SKAP2: variants seen among roughly 807,000 people sequenced by gnomAD.
The protein encoded by SKAP2 is src kinase-associated phosphoprotein 2.
In SKAP2, 28 loss-of-function variants were observed where a neutral mutation model predicts 54.9. That is an observed-to-expected ratio of 0.51 (90% CI 0.38 to 0.70). The LOEUF (loss-of-function observed/expected upper bound fraction) is 0.70, where lower values mean the gene tolerates loss of function less well. Among genes scored for constraint, SKAP2 ranks in the 30% least tolerant of loss-of-function variants. The pLI is 0.00. For missense variants in SKAP2, 356 were observed against 424.1 expected, an observed-to-expected ratio of 0.84 and a Z score of 1.41; for synonymous variants, 137 against 134.3, an observed-to-expected ratio of 1.02 and a Z score of -0.14.
At chr7:26,847,413 G>A (rs1051655759) in intron 3 of SKAP2, among the ~76,000 whole-genome samples, 1 of 151,522 alleles carries the variant, frequency 6.6e-6, no homozygotes, top group Non-Finnish European at 1.5e-5. Context: ...TTAACTGAAC[G>A]CAGGGGTTAC....
At chr7:26,720,770 C>G (rs776400251) in intron 9 of SKAP2, among the ~76,000 whole-genome samples, 1 of 152,154 alleles carries the variant, frequency 6.6e-6, no homozygotes, top group Non-Finnish European at 1.5e-5. Context: ...ACCATCAGAT[C>G]TCATGAGAAC....
rs1786149882 is a variant in SKAP2, at chr7:26,668,237, T to C, written c.*1429A>G. The C allele has an allele frequency of 6.6e-6, 1 of 152,194 alleles. No individual in the cohort carries two copies. Among genetic ancestry groups the C allele is most frequent in the Non-Finnish European group, 1.5e-5 (1 of 68,034 alleles). 9.4% of individuals were successfully genotyped at this position (152,194 alleles called of 1,614,324 possible). ...AAGATATTGAAAAGTTCCATAAAGA[T>C]AATACCTGATAGGTAATGATTCAAT... On this transcript the variant is annotated 3_prime_UTR_variant, in exon 13 of 13. Coordinates refer to ENST00000345317, the MANE Select transcript of SKAP2 (RefSeq NM_003930.5).
At chr7:26,658,872 C>T in the SKAP2 span, among the ~76,000 whole-genome samples, 6 of 150,818 alleles carry the variant, frequency 4.0e-5, no homozygotes, top group East Asian at 3.9e-4. Context: ...ATCAGCACCA[C>T]GTGCTGAAGC....
intron 4 of SKAP2, among the ~76,000 whole-genome samples, chr7:26,783,882 T>C (rs1242519380): frequency 1.3e-5 from 2 of 151,824 alleles, no homozygotes; most frequent in African/African-American, 2.4e-5. Context: ...GCATGGCACA[T>C]GTATACATAC....
At chr7:26,658,736 T>C in the SKAP2 span, among the ~76,000 whole-genome samples, 1 of 152,096 alleles carries the variant, frequency 6.6e-6, no homozygotes, top group Non-Finnish European at 1.5e-5. Flanking sequence ...AGCAACCATA[T>C]TAAATAGTCA....
rs760257335 is a variant in SKAP2 at position 26,727,002 on chromosome 7, T to C, written c.474A>G (p.Lys158=). ...CTATTGCAAATTCACCTTTCTGTTG[T>C]TTGTCTGTTGAAGATAAAACCAGTT... ...VFYYYGSDKD[K]QQKGEFAIDG... Residue 158 remains lysine (K), a synonymous_variant, in exon 7 of 13, where the codon AAA becomes AAG. Coordinates refer to ENST00000345317, the MANE Select transcript of SKAP2 (RefSeq NM_003930.5). The C allele has an allele frequency of 3.1e-6, 5 of 1,599,294 alleles. No individual in the cohort carries two copies. Among genetic ancestry groups the C allele is most frequent in the Non-Finnish European group, 4.3e-6 (5 of 1,173,894 alleles).
intron 4 of SKAP2, among the ~76,000 whole-genome samples, chr7:26,757,422 A>C (rs576373158): frequency 6.6e-6 from 1 of 152,116 alleles, no homozygotes; most frequent in Non-Finnish European, 1.5e-5. Flanking sequence ...CCATTTATTA[A>C]ATAGGGAATC....
intron 4 of SKAP2, among the ~76,000 whole-genome samples, chr7:26,842,863 T>C (rs1170139572): frequency 6.6e-6 from 1 of 151,146 alleles, no homozygotes; most frequent in Non-Finnish European, 1.5e-5. Flanking sequence ...CTTTAAAAGA[T>C]AGAAAGTGAA....
intron 4 of SKAP2, among the ~76,000 whole-genome samples, chr7:26,797,482 T>A (rs1783807530): frequency 6.6e-6 from 1 of 152,200 alleles, no homozygotes; most frequent in South Asian, 2.1e-4. Flanking sequence ...TAGCATTACT[T>A]GGCTAGGGGT....
At chr7:26,723,205 C>A (rs62447732) in intron 9 of SKAP2, among the ~76,000 whole-genome samples, 1 of 152,280 alleles carries the variant, frequency 6.6e-6, no homozygotes, top group South Asian at 2.1e-4. Flanking sequence ...TTTAATCAAA[C>A]AAAACCTCTA....
intron 1 of SKAP2, among the ~76,000 whole-genome samples, chr7:26,858,453 C>T (rs1384320164): frequency 6.6e-6 from 1 of 152,092 alleles, no homozygotes; most frequent in Non-Finnish European, 1.5e-5. Context: ...ACTGCTCTGT[C>T]GATAAATGTT....
intron 4 of SKAP2, among the ~76,000 whole-genome samples, chr7:26,755,134 T>C (rs912333792): frequency 9.9e-5 from 15 of 152,198 alleles, no homozygotes; most frequent in Middle Eastern, 3.2e-3. Context: ...TACCTTAATA[T>C]TGATAACAAG....
intron 4 of SKAP2, among the ~76,000 whole-genome samples, chr7:26,820,443 GATTATCTAC>G (rs150362021): frequency 0.21 from 32,213 of 151,940 alleles, 3,471 homozygotes; most frequent in Non-Finnish European, 0.24. Context: ...GAAATTTCAA[GATTATCTAC>G]ATTTTAAATC....
At chr7:26,704,840 CCAACACA>C (rs1787123098) in intron 9 of SKAP2, among the ~76,000 whole-genome samples, 1 of 152,150 alleles carries the variant, frequency 6.6e-6, no homozygotes, top group Non-Finnish European at 1.5e-5. Flanking sequence ...AGCTCAAAAA[CCAACACA>C]CTTGCTCAGT....
At chr7:26,774,705 T>G (rs1452216210) in intron 4 of SKAP2, among the ~76,000 whole-genome samples, 1 of 152,098 alleles carries the variant, frequency 6.6e-6, no homozygotes, top group African/African-American at 2.4e-5. Flanking sequence ...TTCTAAAACT[T>G]TGGATTTCAA....
At chr7:26,747,741 C>T (rs994284419) in intron 4 of SKAP2, among the ~76,000 whole-genome samples, 2 of 151,810 alleles carry the variant, frequency 1.3e-5, no homozygotes, top group Admixed American at 1.3e-4. Flanking sequence ...CTCTCCTCTC[C>T]TGCTCCTCCC....
downstream of SKAP2, among the ~76,000 whole-genome samples, chr7:26,665,216 A>C (rs962654172): frequency 6.6e-6 from 1 of 152,192 alleles, no homozygotes; most frequent in African/African-American, 2.4e-5. Flanking sequence ...TTCACTGGAA[A>C]GTGAAAGTAG....
At chr7:26,701,473 C>T (rs1400234857) in intron 9 of SKAP2, among the ~76,000 whole-genome samples, 1 of 152,158 alleles carries the variant, frequency 6.6e-6, no homozygotes, top group African/African-American at 2.4e-5. Flanking sequence ...TGGCTCACAC[C>T]TGTAATCCCA....
intron 6 of SKAP2, among the ~76,000 whole-genome samples, chr7:26,730,775 T>C (rs12700757): frequency 0.44 from 67,421 of 152,018 alleles, 16,309 homozygotes; most frequent in East Asian, 0.59. Context: ...CAGTTGGCTC[T>C]GATTTCCTAC....
Sources: allele counts gnomAD v4.1 joint callset (sites outside exome capture counted in the v4.1 genomes callset), GRCh38; gene constraint gnomAD v4.1.1; transcripts MANE v1.5; gene names NCBI Gene and HGNC (gene_info 2026-07-23, HGNC 2026-07-21).